SPAG16: variants seen among roughly 807,000 people sequenced by gnomAD.
SPAG16 encodes sperm associated antigen 16.
A neutral mutation model predicts 80.4 loss-of-function variants in SPAG16; 86 were observed. The observed-to-expected ratio is 1.07, with a 90% CI of 0.90 to 1.28. The LOEUF (loss-of-function observed/expected upper bound fraction) is 1.28. Ranked by LOEUF, SPAG16 falls within the 50% of genes most tolerant of loss-of-function variation. The pLI is 0.00. For synonymous variants in SPAG16, 294 were observed against 265.9 expected, an observed-to-expected ratio of 1.11 and a Z score of -1.03; for missense variants, 870 against 765.3, an observed-to-expected ratio of 1.14 and a Z score of -1.61.
chr2:213,321,883 A>G (rs2063623574), intron 5 of SPAG16, among the ~76,000 whole-genome samples: 1 of 152,106 alleles, frequency 6.6e-6, no homozygotes, highest in African/African-American at 2.4e-5. Flanking sequence ...TATTTTTCTC[A>G]GAAAAGGAGA....
chr2:213,590,204 G>A (rs1462612524), intron 10 of SPAG16, among the ~76,000 whole-genome samples: 1 of 152,052 alleles, frequency 6.6e-6, no homozygotes, highest in Admixed American at 6.5e-5. Flanking sequence ...ACACGTAATT[G>A]CACTTGTTTA....
intron 15 of SPAG16, among the ~76,000 whole-genome samples, chr2:214,333,681 C>T (rs1697084918): frequency 6.6e-6 from 1 of 152,148 alleles, no homozygotes; most frequent in South Asian, 2.1e-4. Context: ...GGTAACATAC[C>T]ACTCTGCCAT....
intron 13 of SPAG16, among the ~76,000 whole-genome samples, 198 bp downstream of exon 13, chr2:214,014,275 T>A (rs1027296461): frequency 1.3e-5 from 2 of 152,208 alleles, no homozygotes; most frequent in Non-Finnish European, 2.9e-5. Context: ...CAGGTAAAAA[T>A]AATATGATTA....
chr2:214,048,694 T>G (rs62191958), intron 13 of SPAG16, among the ~76,000 whole-genome samples: 30,558 of 152,022 alleles, frequency 0.2, 3,718 homozygotes, highest in Middle Eastern at 0.29. Context: ...CACTGTAAAA[T>G]AACTGAAGGA....
chr2:213,293,738 C>T (rs1035949813), intron 1 of SPAG16, among the ~76,000 whole-genome samples: 2 of 152,136 alleles, frequency 1.3e-5, no homozygotes, highest in African/African-American at 4.8e-5. Context: ...GAGCCCTTGA[C>T]CCAGAGAAAC....
chr2:213,430,576 C>T (rs1446044072), intron 9 of SPAG16, among the ~76,000 whole-genome samples: 1 of 152,132 alleles, frequency 6.6e-6, no homozygotes, highest in East Asian at 1.9e-4. Flanking sequence ...AGATTGGACA[C>T]CTCTGACATA....
chr2:213,910,778 A>G (rs6435804), intron 11 of SPAG16, among the ~76,000 whole-genome samples: 74,785 of 81,748 alleles, frequency 0.91, 35,235 homozygotes, highest in East Asian at 1. Flanking sequence ...GTGAGCCACC[A>G]CGCCCGGCCA....
intron 9 of SPAG16, among the ~76,000 whole-genome samples, chr2:213,443,456 A>G (rs957072942): frequency 3.3e-5 from 5 of 152,168 alleles, no homozygotes; most frequent in Non-Finnish European, 5.9e-5. Context: ...GTGTCCTTCA[A>G]ATTCATCCAT....
intron 5 of SPAG16, among the ~76,000 whole-genome samples, chr2:213,334,690 A>G (rs140912348): frequency 6.6e-6 from 1 of 152,314 alleles, no homozygotes; most frequent in African/African-American, 2.4e-5. Context: ...GTTAAGTGAA[A>G]TAACCCAGGC....
At chr2:214,189,578 C>T (rs768354472) in intron 15 of SPAG16, among the ~76,000 whole-genome samples, 1 of 151,992 alleles carries the variant, frequency 6.6e-6, no homozygotes, top group East Asian at 1.9e-4. Flanking sequence ...TTTTTCAAGA[C>T]TACAGTGAAA....
At chr2:213,477,018 G>A (rs112550335) in intron 9 of SPAG16, among the ~76,000 whole-genome samples, 26 of 152,214 alleles carry the variant, frequency 1.7e-4, no homozygotes, top group African/African-American at 5.5e-4. Flanking sequence ...AAGCTGAGTC[G>A]GGTTTTTATG....
At chr2:214,298,776 A>C (rs919807052) in intron 15 of SPAG16, among the ~76,000 whole-genome samples, 3 of 152,102 alleles carry the variant, frequency 2.0e-5, no homozygotes, top group African/African-American at 7.2e-5. Context: ...TTTCTTTTTC[A>C]ATCTTGAGGT....
intron 15 of SPAG16, among the ~76,000 whole-genome samples, chr2:214,271,294 G>C (rs963725610): frequency 1.2e-4 from 18 of 152,110 alleles, no homozygotes; most frequent in Admixed American, 6.5e-5. Flanking sequence ...ATTCAAACAA[G>C]AAATAACTAT....
At chr2:214,407,433 C>T (rs1005318852) in intron 15 of SPAG16, among the ~76,000 whole-genome samples, 2 of 152,038 alleles carry the variant, frequency 1.3e-5, no homozygotes, top group African/African-American at 2.4e-5. Context: ...TCAGGTTTCA[C>T]GTAAGTTCTC....
intron 15 of SPAG16, among the ~76,000 whole-genome samples, chr2:214,290,396 T>C (rs1035179929): frequency 2.3e-5 from 3 of 129,682 alleles, no homozygotes; most frequent in Non-Finnish European, 4.9e-5. Flanking sequence ...TGATATTTAC[T>C]ATTTCTTTCC....
intron 10 of SPAG16, among the ~76,000 whole-genome samples, chr2:213,647,732 C>T (rs1182379551): frequency 6.6e-6 from 1 of 152,200 alleles, no homozygotes; most frequent in Non-Finnish European, 1.5e-5. Context: ...GTAGGTCAGG[C>T]TCTTGCCAGG....
chr2:213,392,660 C>T (rs776145156), intron 9 of SPAG16, among the ~76,000 whole-genome samples: 15 of 152,082 alleles, frequency 9.9e-5, no homozygotes, highest in Non-Finnish European at 2.1e-4. Context: ...GCCTGGCCAA[C>T]ATGATGAAAC....
intron 10 of SPAG16, among the ~76,000 whole-genome samples, chr2:213,821,006 A>C (rs544358249): frequency 6.6e-6 from 1 of 152,140 alleles, no homozygotes; most frequent in Non-Finnish European, 1.5e-5. Flanking sequence ...ATATTTACTT[A>C]TCTTTTTTTC....
At chr2:213,700,505 T>C (rs1349135231) in intron 10 of SPAG16, among the ~76,000 whole-genome samples, 4 of 152,178 alleles carry the variant, frequency 2.6e-5, no homozygotes, top group African/African-American at 9.6e-5. Context: ...GTGTATTCCA[T>C]TGTATTGTCA....
Sources: allele counts gnomAD v4.1 joint callset (sites outside exome capture counted in the v4.1 genomes callset), GRCh38; gene constraint gnomAD v4.1.1; transcripts MANE v1.5; gene names NCBI Gene and HGNC (gene_info 2026-07-23, HGNC 2026-07-21).